Variants in COL28A1 observed in about 807,000 individuals in gnomAD.
COL28A1 encodes the protein collagen alpha-1(XXVIII) chain.
In COL28A1, 161 loss-of-function variants were observed where a neutral mutation model predicts 150.2. The ratio of observed to expected loss-of-function variants is 1.07; its 90% CI spans 0.94 to 1.22. The LOEUF is 1.22. Ranked by LOEUF, COL28A1 falls within the 50% of genes most tolerant of loss-of-function variation. COL28A1 has a pLI of 0.00. For missense variants in COL28A1, 1,617 were observed against 1,388.3 expected, an observed-to-expected ratio of 1.16 and a Z score of -2.62; for synonymous variants, 552 against 469.7, an observed-to-expected ratio of 1.18 and a Z score of -2.26.
intron 3 of COL28A1, among the ~76,000 whole-genome samples, chr7:7,528,740 T>A (rs1340961411): frequency 6.6e-6 from 1 of 151,972 alleles, no homozygotes; most frequent in East Asian, 1.9e-4. Flanking sequence ...GCAAATGGGG[T>A]CTTACAAAGA....
chr7:7,530,390 G>C lies in COL28A1; in HGVS notation c.681+958C>G, dbSNP rs540629015. Among the ~76,000 whole-genome samples the C allele has an allele frequency of 3.9e-5, 6 of 152,292 alleles. No homozygotes were observed. The South Asian group carries it at 1.0e-3, about 26-fold the overall frequency. ...AGAGTAATGTTGAGAAAAAGATCGA[G>C]GGATAAGACAAAAGGAGCAAAACAA... On this transcript the variant is annotated intron_variant, in intron 3 of 34. Coordinates refer to ENST00000399429, the MANE Select transcript of COL28A1 (RefSeq NM_001037763.3).
chr7:7,347,226 G>C, the COL28A1 span, among the ~76,000 whole-genome samples: 1 of 152,038 alleles, frequency 6.6e-6, no homozygotes, highest in Non-Finnish European at 1.5e-5. Flanking sequence ...TGGTGCATGA[G>C]CCCTGACTTA....
intron 25 of COL28A1, among the ~76,000 whole-genome samples, chr7:7,422,283 C>T (rs1189457238): frequency 1.3e-5 from 2 of 152,140 alleles, no homozygotes; most frequent in Non-Finnish European, 1.5e-5. Context: ...GTGGCTTCCT[C>T]TCATTCATTT....
chr7:7,531,467 T>C lies in COL28A1; in HGVS notation c.562A>G (p.Ile188Val), dbSNP rs774122177. 2.5e-6 allele frequency: 4 copies of C among 1,596,842 alleles called. No homozygotes were observed. Among genetic ancestry groups the C allele is most frequent in the African/African-American group, 1.3e-5 (1 of 74,760 alleles). ...TCATTGACTACCGTAGAAAGTGCAATGGTGATAAATGATATTCCTGAAATT... is the reference window on the plus strand; with the variant it reads ...TCATTGACTACCGTAGAAAGTGCAACGGTGATAAATGATATTCCTGAAATT... ...ARISGISFIT[I>V]ALSTVVNEAK... The change falls in exon 3 of 35, where the codon ATT becomes GTT. Residue 188 changes from isoleucine (I) to valine (V), a missense_variant. Physicochemically the swap from Ile to Val is conservative, Grantham distance 29. Transcript: ENST00000399429.
intron 7 of COL28A1, among the ~76,000 whole-genome samples, chr7:7,517,569 A>G (rs1781483621): frequency 6.6e-6 from 1 of 152,192 alleles, no homozygotes; most frequent in East Asian, 1.9e-4. Context: ...AGAGAATTTG[A>G]TAGGGTTGAA....
intron 15 of COL28A1, among the ~76,000 whole-genome samples, chr7:7,458,243 C>T (rs1055085304): frequency 3.3e-5 from 5 of 151,998 alleles, no homozygotes; most frequent in African/African-American, 1.2e-4. Context: ...ATGGAGAAAC[C>T]CCATTTCTAC....
intron 30 of COL28A1, among the ~76,000 whole-genome samples, chr7:7,379,376 C>T (rs1445907128): frequency 1.3e-5 from 2 of 152,148 alleles, no homozygotes; most frequent in Non-Finnish European, 1.5e-5. Context: ...CTTCTAAGGT[C>T]TCTGCCTCTT....
intron 13 of COL28A1, among the ~76,000 whole-genome samples, chr7:7,479,911 G>C (rs184461837): frequency 4.6e-5 from 7 of 152,208 alleles, no homozygotes; most frequent in African/African-American, 9.6e-5. Context: ...AGTAGTAAAG[G>C]AACTTACAAC....
At chr7:7,460,571 A>G (rs1486489984) in intron 15 of COL28A1, among the ~76,000 whole-genome samples, 1 of 151,812 alleles carries the variant, frequency 6.6e-6, no homozygotes, top group Non-Finnish European at 1.5e-5. Context: ...GTTAGTAGAG[A>G]CAAGGTTTCA....
intron 27 of COL28A1, among the ~76,000 whole-genome samples, chr7:7,410,039 A>T (rs1056589071): frequency 6.6e-6 from 1 of 152,206 alleles, no homozygotes; most frequent in Non-Finnish European, 1.5e-5. Flanking sequence ...ATTATTTTTT[A>T]AAAATTATCC....
At chr7:7,540,452 A>C (rs1782764805), upstream of COL28A1, among the ~76,000 whole-genome samples, 1 of 152,232 alleles carries the variant, frequency 6.6e-6, no homozygotes, top group South Asian at 2.1e-4. Flanking sequence ...GGAAACTTAG[A>C]AACCACTTTT....
At chr7:7,475,455 T>C (rs1238435362) in intron 14 of COL28A1, among the ~76,000 whole-genome samples, 1 of 152,192 alleles carries the variant, frequency 6.6e-6, no homozygotes, top group Non-Finnish European at 1.5e-5. Flanking sequence ...TATAACTGCA[T>C]ATACTTGATC....
At chr7:7,381,937 T>C (rs749209613) in intron 27 of COL28A1, among the ~76,000 whole-genome samples, 4 of 152,194 alleles carry the variant, frequency 2.6e-5, no homozygotes, top group South Asian at 4.1e-4. Context: ...ACATAACAGA[T>C]AGCTGCTATT....
intron 27 of COL28A1, among the ~76,000 whole-genome samples, chr7:7,393,017 G>A (rs1782634977): frequency 6.6e-6 from 1 of 151,978 alleles, no homozygotes; most frequent in Non-Finnish European, 1.5e-5. Flanking sequence ...TTGTTCCCTT[G>A]CTGGCGAGGA....
the COL28A1 span, among the ~76,000 whole-genome samples, chr7:7,341,496 G>A: frequency 2.0e-5 from 3 of 151,830 alleles, no homozygotes; most frequent in Admixed American, 6.6e-5. Context: ...CCTCAGCCTC[G>A]AACTTCTAGG....
chr7:7,381,308 C>A (rs754859411), intron 28 of COL28A1, among the ~76,000 whole-genome samples: 16 of 152,106 alleles, frequency 1.1e-4, no homozygotes, highest in Non-Finnish European at 2.4e-4. Flanking sequence ...TGGTCTTGAA[C>A]TCCTGGCCTC....
chr7:7,367,820 A>AG (rs1373927910), intron 33 of COL28A1, among the ~76,000 whole-genome samples: 2 of 151,066 alleles, frequency 1.3e-5, no homozygotes, highest in East Asian at 1.9e-4. Flanking sequence ...TCCTTTAAAA[A>AG]AAAAAAAAAC....
At chr7:7,520,795 T>C (rs1424317403) in intron 5 of COL28A1, among the ~76,000 whole-genome samples, 3 of 152,216 alleles carry the variant, frequency 2.0e-5, no homozygotes, top group Non-Finnish European at 4.4e-5. Flanking sequence ...ATTGCTCATT[T>C]TAAAATATAA....
rs1781326242 is a variant in COL28A1, at chr7:7,373,157, C to G, written c.2749G>C (p.Glu917Gln). Residue 917 changes from glutamate (E) to glutamine (Q), a missense_variant, in exon 32 of 35, where the codon GAG (glutamate) becomes CAG (glutamine). Physicochemically the swap from Glu to Gln is conservative, Grantham distance 29 (BLOSUM62 2). Transcript: ENST00000399429. This position sits in a 1 kb window ranked among gnomAD's most constrained non-coding sequence, Gnocchi z 4.1. The part of the protein sequence containing the change: ...TDSRDKEKLT[E>Q]VVKNASDTNV... ...GTGTCACTGGCATTCTTCACCACCT[C>G]TGTCAGTTTCTCTTTATCACGAGAA... 1 of 1,614,148 alleles carries G rather than the reference C, an allele frequency of 6.2e-7. No individual in the cohort carries two copies. The highest frequency in any genetic ancestry group is 1.3e-5 in the African/African-American group (1 of 74,952).
Sources: gnomAD v4.1 joint callset for allele counts (sites outside exome capture counted in the v4.1 genomes callset) on GRCh38, gnomAD v4.1.1 for gene constraint, Gnocchi (gnomAD v3.1) non-coding constraint, MANE v1.5 for transcripts, NCBI Gene and HGNC (gene_info 2026-07-23, HGNC 2026-07-21) for gene names.